The following AGBL4 variants were observed in gnomAD, a reference collection of about 807,000 sequenced individuals.
AGBL4 encodes cytosolic carboxypeptidase 6.
In AGBL4, 58 loss-of-function variants were observed where a neutral mutation model predicts 66.4. That is an observed-to-expected ratio of 0.87 (90% CI 0.71 to 1.09). The LOEUF is 1.09. Ranked by LOEUF, AGBL4 falls within the 50% of genes least tolerant of loss-of-function variation. The pLI is 0.00. For missense variants in AGBL4, 579 were observed against 631.0 expected (o/e 0.92, Z 0.88); for synonymous variants, 234 against 222.9 (o/e 1.05, Z -0.44).
chr1:48,980,768 T>C (rs1659704854), intron 5 of AGBL4, among the ~76,000 whole-genome samples: 1 of 69,726 alleles, frequency 1.4e-5, no homozygotes, highest in South Asian at 4.6e-4. Flanking sequence ...TATATATATA[T>C]ATATATATAT....
At chr1:48,909,374 T>G (rs1652888965) in intron 5 of AGBL4, among the ~76,000 whole-genome samples, 1 of 152,194 alleles carries the variant, frequency 6.6e-6, no homozygotes, top group Non-Finnish European at 1.5e-5. Context: ...TCTCCTCCCA[T>G]CTGTACCTCC....
intron 5 of AGBL4, among the ~76,000 whole-genome samples, chr1:49,041,928 T>C (rs529999911): frequency 6.6e-6 from 1 of 152,196 alleles, no homozygotes; most frequent in Admixed American, 6.5e-5. Context: ...TATTATCAAC[T>C]CTGTATTCTG....
At chr1:49,584,282 A>G (rs1020555328) in intron 3 of AGBL4, among the ~76,000 whole-genome samples, 3 of 152,220 alleles carry the variant, frequency 2.0e-5, no homozygotes, top group Admixed American at 6.5e-5. Flanking sequence ...TTAGTTTTTT[A>G]AATGAATATA....
chr1:49,958,724 A>G (rs1233035596), intron 1 of AGBL4, among the ~76,000 whole-genome samples: 3 of 151,746 alleles, frequency 2.0e-5, no homozygotes, highest in East Asian at 2.0e-4. Context: ...GGATAGCATT[A>G]GGAGATATAC....
intron 11 of AGBL4, among the ~76,000 whole-genome samples, chr1:48,546,863 A>AC (rs1491510977): frequency 0.2 from 17,880 of 88,036 alleles, 1,765 homozygotes; most frequent in African/African-American, 0.34. Flanking sequence ...TAAAACAAAC[A>AC]AACACACACA....
chr1:48,941,079 G>C (rs1338882038), intron 5 of AGBL4, among the ~76,000 whole-genome samples: 2 of 152,192 alleles, frequency 1.3e-5, no homozygotes, highest in Non-Finnish European at 1.5e-5. Context: ...AAGCTTCAGA[G>C]AAAATGTGTC....
chr1:50,007,887 T>C (rs1439942601), intron 1 of AGBL4, among the ~76,000 whole-genome samples: 1 of 151,984 alleles, frequency 6.6e-6, no homozygotes, highest in Admixed American at 6.6e-5. Flanking sequence ...GGTATATTTG[T>C]ATCACACAAA....
chr1:49,707,270 C>T (rs569826304), intron 2 of AGBL4, among the ~76,000 whole-genome samples: 84 of 151,216 alleles, frequency 5.6e-4, no homozygotes, highest in Non-Finnish European at 9.7e-4. Flanking sequence ...TCCCTTGTTG[C>T]GTTGATCCCT....
intron 3 of AGBL4, among the ~76,000 whole-genome samples, chr1:49,323,448 A>ATTTTTTTTTTTTTT (rs11295329): frequency 8.7e-6 from 1 of 114,890 alleles, no homozygotes. Context: ...TGCCTGGCTA[A>ATTTTTTTTTTTTTT]TTTTTTTTTT....
chr1:49,475,296 C>G (rs1342055581), intron 3 of AGBL4, among the ~76,000 whole-genome samples: 2 of 151,980 alleles, frequency 1.3e-5, no homozygotes, highest in Non-Finnish European at 2.9e-5. Context: ...CCCACTTCAT[C>G]AGGGTGAATA....
chr1:49,290,422 C>G lies in AGBL4; in HGVS notation c.283-44558G>C, dbSNP rs72897752. On this transcript the variant is annotated intron_variant, in intron 3 of 13. Coordinates refer to ENST00000371839, the MANE Select transcript of AGBL4 (RefSeq NM_032785.4). The stretch of plus-strand genomic sequence containing the variant: ...ATTTAAAGCTTGTGCCTGAGTCACA[C>G]AGTCTAATATTCTATTGGCTAGAGT... 9.2e-3 allele frequency among the ~76,000 whole-genome samples: 1,398 copies of G among 152,270 alleles called. 18 individuals are homozygous for G. Among genetic ancestry groups the G allele is most frequent in the African/African-American group, 0.032 (1,342 of 41,544 alleles).
chr1:49,172,913 G>A (rs763979484), intron 4 of AGBL4, among the ~76,000 whole-genome samples: 1 of 152,060 alleles, frequency 6.6e-6, no homozygotes, highest in Non-Finnish European at 1.5e-5. Flanking sequence ...ATCATCTGGG[G>A]TTGGGAGTTT....
intron 3 of AGBL4, among the ~76,000 whole-genome samples, chr1:49,500,255 C>T (rs1648016136): frequency 1.3e-5 from 2 of 151,900 alleles, no homozygotes; most frequent in Admixed American, 1.3e-4. Flanking sequence ...TGTTTGAGTT[C>T]CTTGTAGATT....
intron 3 of AGBL4, among the ~76,000 whole-genome samples, chr1:49,389,765 C>T (rs1396953564): frequency 6.6e-6 from 1 of 152,120 alleles, no homozygotes; most frequent in African/African-American, 2.4e-5. Flanking sequence ...TTGGAAGACC[C>T]TTTTAAGGTT....
chr1:49,742,693 C>G (rs1352672903), intron 2 of AGBL4, among the ~76,000 whole-genome samples: 3 of 151,856 alleles, frequency 2.0e-5, no homozygotes, highest in Non-Finnish European at 4.4e-5. Flanking sequence ...GGTACTGGTA[C>G]CAAAACAGAG....
intron 1 of AGBL4, among the ~76,000 whole-genome samples, chr1:49,883,949 A>T (rs1306676948): frequency 5.3e-5 from 8 of 152,028 alleles, no homozygotes; most frequent in Non-Finnish European, 1.2e-4. Context: ...TCTCAATTAC[A>T]TTCTACATGC....
At chr1:49,940,887 A>C (rs1654689856) in intron 1 of AGBL4, among the ~76,000 whole-genome samples, 2 of 152,124 alleles carry the variant, frequency 1.3e-5, no homozygotes, top group South Asian at 4.1e-4. Flanking sequence ...CACAAAACTA[A>C]GTGTTGAATT....
intron 6 of AGBL4, among the ~76,000 whole-genome samples, chr1:48,745,271 C>T (rs1353255912): frequency 1.3e-5 from 2 of 152,116 alleles, no homozygotes; most frequent in African/African-American, 2.4e-5. Context: ...GAGGCATGGA[C>T]AGGTGGGAAG....
At chr1:49,829,160 G>A (rs1428072513) in intron 2 of AGBL4, among the ~76,000 whole-genome samples, 2 of 152,096 alleles carry the variant, frequency 1.3e-5, no homozygotes, top group East Asian at 1.9e-4. Context: ...ATAAATTAAT[G>A]GATTCAGGAT....
Sources: allele counts gnomAD v4.1 joint callset (sites outside exome capture counted in the v4.1 genomes callset), GRCh38; gene constraint gnomAD v4.1.1; transcripts MANE v1.5; gene names NCBI Gene and HGNC (gene_info 2026-07-23, HGNC 2026-07-21).